The following MEG3 variants were observed in gnomAD, a reference collection of about 807,000 sequenced individuals.
MEG3 encodes the protein Very putative protein from MEG3 locus.
At chr14:100,840,655 C>T (rs72698771) in intron 2 of MEG3, among the ~76,000 whole-genome samples, 119 of 152,296 alleles carry the variant, frequency 7.8e-4, no homozygotes, top group African/African-American at 1.3e-3. Flanking sequence ...CCACTGGGTT[C>T]GCGCGACCCT....
chr14:100,830,373 A>C (rs1436160609), downstream of MEG3: 2 of 148,930 alleles, frequency 1.3e-5, no homozygotes, highest in Non-Finnish European at 2.9e-5. Flanking sequence ...ACACACACAC[A>C]CACACACACA....
chr14:100,860,786 C>T (rs1350026045), exon 2 of MEG3: 2 of 444,822 alleles, frequency 4.5e-6, no homozygotes, highest in Admixed American at 4.9e-5. Context: ...TAGAGACCCG[C>T]CCTCTGACTG....
chr14:100,857,040 A>G (rs1474625851), upstream of MEG3: 2 of 151,860 alleles, frequency 1.3e-5, no homozygotes, highest in African/African-American at 4.8e-5. Context: ...TGTTGAATGG[A>G]TGGATAGCTA....
At chr14:100,826,671 G>A (rs781046026) in intron 1 of MEG3, among the ~76,000 whole-genome samples, 38 of 152,302 alleles carry the variant, frequency 2.5e-4, no homozygotes, top group Non-Finnish European at 5.3e-4. Flanking sequence ...GAATAGAAGG[G>A]TCTCCCGGGC....
chr14:100,838,174 T>A (rs2037645702), intron 2 of MEG3, among the ~76,000 whole-genome samples: 1 of 152,108 alleles, frequency 6.6e-6, no homozygotes, highest in Non-Finnish European at 1.5e-5. Flanking sequence ...CTCACGGACA[T>A]CTCAGGACTT....
At chr14:100,849,962 C>G (rs2038020086) in intron 3 of MEG3, 1 of 152,132 alleles carries the variant, frequency 6.6e-6, no homozygotes, top group South Asian at 2.1e-4. Context: ...GGCTCCAAAA[C>G]AAGGCTGTAT....
exon 1 of MEG3, chr14:100,834,459 C>G (rs1204489586): frequency 1.3e-5 from 4 of 312,260 alleles, no homozygotes; most frequent in Non-Finnish European, 1.3e-5. Context: ...ACGTCCCCAT[C>G]CTGCTTGGGT....
intron 1 of MEG3, among the ~76,000 whole-genome samples, chr14:100,826,751 C>G (rs1057060000): frequency 6.6e-6 from 1 of 152,096 alleles, no homozygotes; most frequent in African/African-American, 2.4e-5. Flanking sequence ...GGTTCCTCTT[C>G]GCGAGGTTTT....
intron 2 of MEG3, among the ~76,000 whole-genome samples, chr14:100,843,010 G>A (rs1392128359): frequency 6.6e-6 from 1 of 152,170 alleles, no homozygotes; most frequent in African/African-American, 2.4e-5. Context: ...GCCCAGCACT[G>A]CGTTATTAAC....
chr14:100,848,954 G>A (rs971676429), intron 3 of MEG3: 1 of 152,162 alleles, frequency 6.6e-6, no homozygotes, highest in Non-Finnish European at 1.5e-5. Context: ...AAACGTTGAG[G>A]TTCATCAATA....
At chr14:100,840,895 G>A (rs893575169) in intron 2 of MEG3, among the ~76,000 whole-genome samples, 4 of 152,326 alleles carry the variant, frequency 2.6e-5, no homozygotes, top group South Asian at 2.1e-4. Flanking sequence ...CGGCCTCCGC[G>A]CTCACAGCTG....
intron 2 of MEG3, among the ~76,000 whole-genome samples, chr14:100,838,396 G>C (rs1280501034): frequency 6.6e-6 from 1 of 152,212 alleles, no homozygotes; most frequent in Admixed American, 6.5e-5. Flanking sequence ...GTATAAAATA[G>C]GTAAAATATG....
At chr14:100,859,741 C>T (rs1001068730) in exon 1 of MEG3, 3 of 152,164 alleles carry the variant, frequency 2.0e-5, no homozygotes, top group Non-Finnish European at 2.9e-5. Flanking sequence ...TACATGGGTA[C>T]CAGGTAGGTT....
intron 3 of MEG3, chr14:100,851,245 C>G (rs538583590): frequency 6.6e-6 from 1 of 152,324 alleles, no homozygotes; most frequent in African/African-American, 2.4e-5. Flanking sequence ...GTTGCATGAA[C>G]GAGTGGTGTG....
At chr14:100,830,760 G>T (rs1025586825), downstream of MEG3, 1 of 152,200 alleles carries the variant, frequency 6.6e-6, no homozygotes, top group East Asian at 1.9e-4. Flanking sequence ...AAGCCAACCA[G>T]TTTTGTCCGG....
chr14:100,845,437 C>T lies in MEG3; in HGVS notation n.3046-21C>T, dbSNP rs1016835581. On this transcript the variant is annotated intron_variant and non_coding_transcript_variant, in intron 2 of 3. Coordinates refer to the MEG3 transcript ENST00000398461. This position sits in a 1 kb window ranked among gnomAD's most constrained non-coding sequence, Gnocchi z 5.2. ...GCCTGAGTGAGGTTCTACTCTGTGA[C>T]CTAGTGCCTTCTTGTTACAGCGGAA... 2.2e-6 allele frequency: 1 copy of T among 456,104 alleles called. No individual in the cohort carries two copies. The highest frequency in any genetic ancestry group is 2.0e-5 in the African/African-American group (1 of 50,042). 28.3% of individuals were successfully genotyped at this position (456,104 alleles called of 1,614,324 possible).
exon 1 of MEG3, chr14:100,835,394 G>A (rs2037539491): frequency 6.5e-6 from 1 of 153,180 alleles, no homozygotes; most frequent in South Asian, 2.1e-4. Context: ...AGCAGCTGCT[G>A]GGGCCCACCT....
intron 2 of MEG3, among the ~76,000 whole-genome samples, chr14:100,839,427 T>C (rs1340450964): frequency 1.3e-5 from 2 of 152,162 alleles, no homozygotes; most frequent in African/African-American, 4.8e-5. Context: ...TTTGAGCAGA[T>C]GGAAGAGTCT....
intron 2 of MEG3, among the ~76,000 whole-genome samples, chr14:100,840,980 G>A (rs1293674976): frequency 1.3e-5 from 2 of 152,204 alleles, no homozygotes; most frequent in African/African-American, 4.8e-5. Flanking sequence ...CCCTACTCAG[G>A]AAGTTGGCGG....
Sources: gnomAD v4.1 joint callset for allele counts (sites outside exome capture counted in the v4.1 genomes callset) on GRCh38, gnomAD v4.1.1 for gene constraint, Gnocchi (gnomAD v3.1) non-coding constraint, MANE v1.5 for transcripts, NCBI Gene and HGNC (gene_info 2026-07-23, HGNC 2026-07-21) for gene names.